TM6SF2: variants seen among roughly 807,000 people sequenced by gnomAD.
The protein encoded by TM6SF2 is transmembrane 6 superfamily member 2.
TM6SF2 carries 29 observed loss-of-function variants against 41.0 expected under a neutral mutation model. The ratio of observed to expected loss-of-function variants is 0.71; its 90% CI spans 0.53 to 0.96. The LOEUF is 0.96. TM6SF2 is among the 50% of genes least tolerant of loss of function. The pLI, the probability that TM6SF2 is intolerant of heterozygous loss-of-function variation, is 0.00. For missense variants in TM6SF2, 475 were observed against 499.0 expected (o/e 0.95, Z 0.46); for synonymous variants, 200 against 209.1 (o/e 0.96, Z 0.37).
rs1170162097 is a variant in TM6SF2 at position 19,267,660 on chromosome 19, C to T, written c.765G>A (p.Glu255=). ...DACFVYIYQY[E]PYLRDPVAYP... ...AGGCCACAGGGTCCCGCAGGTATGG[C>T]TCATACTGGTAGATATAGACAAAGC... The change falls in exon 8 of 10, where the codon GAG becomes GAA. Residue 255 remains glutamate, a synonymous_variant. Coordinates refer to ENST00000389363, the MANE Select transcript of TM6SF2 (RefSeq NM_001001524.3). The T allele has an allele frequency of 1.4e-5, 22 of 1,613,786 alleles. No homozygotes were observed. Among genetic ancestry groups the T allele is most frequent in the Non-Finnish European group, 1.7e-5 (20 of 1,179,962 alleles).
chr19:19,267,871 A>C lies in TM6SF2; in HGVS notation c.711+115T>G. Reference sequence around the variant, plus strand: ...GGCTTTGTCATGGAACACTCAGGTTAGACTTGATGAAGAACTTCCTTGGAT... The same window carrying C: ...GGCTTTGTCATGGAACACTCAGGTTCGACTTGATGAAGAACTTCCTTGGAT... On this transcript the variant is annotated intron_variant, in intron 7 of 9. Transcript: ENST00000389363. 2.8e-6 allele frequency: 3 copies of C among 1,076,398 alleles called. No homozygotes were observed. The South Asian group carries it at 4.2e-5, about 15-fold the overall frequency. 66.7% of individuals were successfully genotyped at this position (1,076,398 alleles called of 1,614,324 possible).
intron 6 of TM6SF2, 42 bp downstream of exon 6, chr19:19,268,588 C>G: frequency 6.5e-7 from 1 of 1,527,538 alleles, no homozygotes; most frequent in Non-Finnish European, 8.7e-7. Context: ...GGGGAAAGTT[C>G]AGGCACATTG....
chr19:19,270,477 A>AGGGGACACGTGTGGGT lies in TM6SF2; in HGVS notation c.200-51_200-36dup, dbSNP rs759303352. 1,921 of 1,511,068 alleles carry AGGGGACACGTGTGGGT rather than the reference A, an allele frequency of 1.3e-3. 5 individuals are homozygous for AGGGGACACGTGTGGGT. The highest frequency in any genetic ancestry group is 1.6e-3 in the Non-Finnish European group (1,736 of 1,114,736). 93.6% of individuals were successfully genotyped at this position (1,511,068 alleles called of 1,614,324 possible). A position where few individuals can be genotyped will look rare whatever the true frequency, so the allele number is the denominator to read the frequency against. ...GTGGGCGGGCCGGGTCAGGTGTGGG[A>AGGGGACACGTGTGGGT]GGGGACACGTGTGGGTGGGGCTAGG... On this transcript the variant is annotated intron_variant, in intron 2 of 9. Coordinates refer to ENST00000389363, the MANE Select transcript of TM6SF2 (RefSeq NM_001001524.3).
At chr19:19,268,185 T>TTTTTTTCTTTTTTTTC in intron 6 of TM6SF2, 98 bp from the exon 7 acceptor site, 3 of 745,104 alleles carry the variant, frequency 4.0e-6, no homozygotes, top group Admixed American at 3.4e-5. Context: ...CCCTTCTTTC[T>TTTTTTTCTTTTTTTTC]TTTTTTCTTT....
intron 9 of TM6SF2, among the ~76,000 whole-genome samples, chr19:19,265,154 C>T (rs189627178): frequency 6.6e-4 from 99 of 150,266 alleles, no homozygotes; most frequent in Admixed American, 4.0e-3. Flanking sequence ...AAGTGATTCT[C>T]GTGCTTCAGC....
In TM6SF2 at chr19:19,266,517, G is replaced by A. The variant is rs768295893; in HGVS notation, c.897C>T (p.Ala299=). ...GGCCGATGCCTCCAGCAAACACCAA[G>A]GCCCAGTCTGGAAGCCAGGAGCAAC... is the stretch of plus-strand genomic sequence containing the variant. ...FPGCSWLPDW[A]LVFAGGIGQA... Residue 299 remains alanine, a synonymous_variant, in exon 9 of 10, where the codon GCC becomes GCT. Transcript: ENST00000389363. 6.2e-7 allele frequency: 1 copy of A among 1,613,770 alleles called. No individual in the cohort carries two copies. The highest frequency in any genetic ancestry group is 2.2e-5 in the East Asian group (1 of 44,874).
At chr19:19,270,999 C>G in intron 2 of TM6SF2, 23 bp downstream of exon 2, 1 of 1,604,258 alleles carries the variant, frequency 6.2e-7, no homozygotes, top group Non-Finnish European at 8.5e-7. Context: ...AGTCTTCTTC[C>G]CCACAGCTTC....
chr19:19,266,117 T>C (rs977588208), intron 9 of TM6SF2, among the ~76,000 whole-genome samples: 2 of 152,106 alleles, frequency 1.3e-5, no homozygotes, highest in African/African-American at 4.8e-5. Context: ...TTATCTGCCT[T>C]TACCTGGGTT....
intron 1 of TM6SF2, 65 bp downstream of exon 1, chr19:19,273,056 A>G: frequency 2.8e-6 from 1 of 362,216 alleles, no homozygotes; most frequent in Non-Finnish European, 4.7e-6. Context: ...GCCCACCTCC[A>G]GTCCTCCCCG....
chr19:19,270,252 GC>G lies in TM6SF2; in HGVS notation c.321del (p.His108ThrfsTer43), dbSNP rs765307791. 6.2e-7 allele frequency: 1 copy of G among 1,614,220 alleles called. No homozygotes were observed. On this transcript the variant is annotated frameshift_variant, in exon 4 of 10. Transcript: ENST00000389363. LOFTEE classifies it high-confidence loss of function. Reference protein sequence around the residue: ...TKEGEPYLRTAHGVFICYWDG... With the variant: ...TKEGEPYLRTXHGVFICYWDG... ...TCCCAGTAGCAGATGAAGACTCCGT[GC>G]GCTGTGCGCAGGTATGGCTCTCCCT...
At position 19,264,609 on chromosome 19, in the gene TM6SF2, G is replaced by C; in HGVS notation, c.*55C>G. On this transcript the variant is annotated 3_prime_UTR_variant, in exon 10 of 10. Transcript: ENST00000389363. ...AAAACACCCAACCCCCGCTTCCCCA[G>C]GTAGGGCTGACTGGGCACGTAAACA... 7.3e-7 allele frequency: 1 copy of C among 1,370,452 alleles called. No individual in the cohort carries two copies. Among genetic ancestry groups the C allele is most frequent in the South Asian group, 1.9e-5 (1 of 51,766 alleles). The allele number at this position is 1,370,452 out of a possible 1,614,324, so 84.9% of individuals were successfully genotyped here. A position where few individuals can be genotyped will look rare whatever the true frequency, so the allele number is the denominator to read the frequency against.
intron 8 of TM6SF2, among the ~76,000 whole-genome samples, chr19:19,267,386 GAAAAAGAAAGAAA>G (rs2061006883): frequency 7.1e-6 from 1 of 140,968 alleles, no homozygotes; most frequent in Non-Finnish European, 1.5e-5. Flanking sequence ...AAAAAAAAAA[GAAAAAGAAAGAAA>G]GAAAAGAAAG....
chr19:19,268,387 G>T (rs550263833), intron 6 of TM6SF2, among the ~76,000 whole-genome samples: 2 of 151,506 alleles, frequency 1.3e-5, no homozygotes, highest in African/African-American at 4.9e-5. Flanking sequence ...TTAACTTTTT[G>T]TAGAGTTAAA....
Position 19,265,410 on chromosome 19 carries a change from C to G in TM6SF2, c.925-537G>C, listed in dbSNP as rs547413352. ...TCTATCTATCTATCTATCTATCCAT[C>G]CATCCATCTATCTATCTATCTATTT... On this transcript the variant is annotated intron_variant, in intron 9 of 9. Coordinates refer to ENST00000389363, the MANE Select transcript of TM6SF2 (RefSeq NM_001001524.3). Among the ~76,000 whole-genome samples, 1,067 of 144,026 alleles carry G rather than the reference C, an allele frequency of 7.4e-3. 50 individuals carry two copies. Among genetic ancestry groups the G allele is most frequent in the Admixed American group, 0.06 (874 of 14,660 alleles). The allele number at this position is 144,026 out of a possible 152,430, so 94.5% of individuals were successfully genotyped here. A position where few individuals can be genotyped will look rare whatever the true frequency, so the allele number is the denominator to read the frequency against.
In TM6SF2 at chr19:19,273,168, G is replaced by A. The variant is rs769568288; in HGVS notation, c.48C>T (p.Ser16=). 1.4e-6 allele frequency: 2 copies of A among 1,477,064 alleles called. No individual in the cohort carries two copies. 91.5% of individuals were successfully genotyped at this position (1,477,064 alleles called of 1,614,324 possible). Residue 16 remains serine, a synonymous_variant, in exon 1 of 10, where the codon AGC becomes AGT. Transcript: ENST00000389363. ...LAGKIAALSL[S]ALPVSYALNH... is the part of the protein sequence containing the mutation. Reference sequence around the variant, plus strand: ...TGAGCGCGTAGGACACCGGGAGGGCGCTCAGCGACAGCGCCGCGATCTTGC... The same window carrying A: ...TGAGCGCGTAGGACACCGGGAGGGCACTCAGCGACAGCGCCGCGATCTTGC...
chr19:19,268,512 C>T, intron 6 of TM6SF2, 118 bp downstream of exon 6: 9 of 1,421,800 alleles, frequency 6.3e-6, no homozygotes, highest in Non-Finnish European at 8.4e-6. Context: ...CCAGCCCTCC[C>T]TTCTTTCTTG....
intron 2 of TM6SF2, among the ~76,000 whole-genome samples, 184 bp from the exon 3 acceptor site, chr19:19,270,626 G>T (rs548927791): frequency 6.6e-6 from 1 of 152,328 alleles, no homozygotes; most frequent in East Asian, 1.9e-4. Context: ...CATTCTGCAT[G>T]TCTGATGGAG....
chr19:19,267,057 T>C lies in TM6SF2; in HGVS notation c.805-448A>G, dbSNP rs550539684. On this transcript the variant is annotated intron_variant, in intron 8 of 9. Transcript: ENST00000389363. ...ACCCCATAAAGGGACTGCCTGAGAG[T>C]GAAGCCATGCAAAGAAAGCAGAGCT... Among the ~76,000 whole-genome samples the C allele has an allele frequency of 9.9e-5, 15 of 151,894 alleles. No individual in the cohort carries two copies. The South Asian group carries it at 3.1e-3, about 32-fold the overall frequency.
intron 6 of TM6SF2, 148 bp downstream of exon 6, chr19:19,268,482 A>T: frequency 8.2e-7 from 1 of 1,220,942 alleles, no homozygotes; most frequent in Non-Finnish European, 1.1e-6. Flanking sequence ...TGTTGGGATT[A>T]CAGGCATGAG....
Sources: allele counts gnomAD v4.1 joint callset (sites outside exome capture counted in the v4.1 genomes callset), GRCh38; gene constraint gnomAD v4.1.1; transcripts MANE v1.5; gene names NCBI Gene and HGNC (gene_info 2026-07-23, HGNC 2026-07-21).